NCALD: variants seen among roughly 807,000 people sequenced by gnomAD.
The protein encoded by NCALD is neurocalcin-delta.
In NCALD, 10 loss-of-function variants were observed where a neutral mutation model predicts 18.6. The ratio of observed to expected loss-of-function variants is 0.54; its 90% CI spans 0.33 to 0.91. The LOEUF (loss-of-function observed/expected upper bound fraction) is 0.91, where lower values mean the gene tolerates loss of function less well. NCALD is among the 40% of genes least tolerant of loss of function. The pLI, the probability that NCALD is intolerant of heterozygous loss-of-function variation, is 0.03. For synonymous variants in NCALD, 88 were observed against 87.4 expected, an observed-to-expected ratio of 1.01 and a Z score of -0.04; for missense variants, 184 against 247.6, an observed-to-expected ratio of 0.74 and a Z score of 1.72.
intron 4 of NCALD, among the ~76,000 whole-genome samples, chr8:101,878,020 T>C (rs1282148503): frequency 6.6e-6 from 1 of 152,228 alleles, no homozygotes; most frequent in Non-Finnish European, 1.5e-5. Flanking sequence ...AACATCAAAC[T>C]GTTACTAATT....
chr8:102,034,015 T>TACAC (rs34381236), intron 1 of NCALD, among the ~76,000 whole-genome samples: 11,875 of 147,924 alleles, frequency 0.08, 469 homozygotes, highest in Non-Finnish European at 0.086. Context: ...TCCCTCTAAA[T>TACAC]ACACACACAC....
chr8:102,072,645 A>C (rs1449185548), intron 1 of NCALD, among the ~76,000 whole-genome samples: 1 of 152,168 alleles, frequency 6.6e-6, no homozygotes, highest in Non-Finnish European at 1.5e-5. Flanking sequence ...AATAGGCTTT[A>C]TGCACTTTGG....
chr8:101,729,424 A>G (rs1410158195), intron 1 of NCALD, among the ~76,000 whole-genome samples: 3 of 152,188 alleles, frequency 2.0e-5, no homozygotes, highest in African/African-American at 7.2e-5. Flanking sequence ...CCCTATTTGG[A>G]TCACAAAATG....
At chr8:101,904,149 G>A (rs894524351) in intron 3 of NCALD, among the ~76,000 whole-genome samples, 1 of 152,060 alleles carries the variant, frequency 6.6e-6, no homozygotes, top group Non-Finnish European at 1.5e-5. Context: ...GCTGTGAATC[G>A]ATAGGGATCT....
intron 1 of NCALD, among the ~76,000 whole-genome samples, chr8:102,121,276 G>A (rs780087955): frequency 5.3e-5 from 8 of 152,088 alleles, no homozygotes; most frequent in Admixed American, 3.9e-4. Context: ...CTTTGCTCTC[G>A]GTTGTACAAA....
chr8:101,997,496 A>C (rs2132009742), intron 2 of NCALD, among the ~76,000 whole-genome samples: 1 of 152,322 alleles, frequency 6.6e-6, no homozygotes, highest in East Asian at 1.9e-4. Context: ...GGAGGCTGAG[A>C]AGCTTTCACT....
intron 4 of NCALD, among the ~76,000 whole-genome samples, chr8:101,830,376 C>A (rs1284329506): frequency 6.6e-6 from 1 of 152,088 alleles, no homozygotes; most frequent in African/African-American, 2.4e-5. Context: ...GCCTGGCCAA[C>A]ATAGTGAAAC....
At chr8:101,852,951 G>A (rs1049562255) in intron 4 of NCALD, among the ~76,000 whole-genome samples, 4 of 152,058 alleles carry the variant, frequency 2.6e-5, no homozygotes, top group Non-Finnish European at 1.5e-5. Context: ...CAGGCCAGTC[G>A]ACATCCTCTG....
At chr8:101,723,164 C>G (rs1026395883) in intron 1 of NCALD, among the ~76,000 whole-genome samples, 1 of 152,110 alleles carries the variant, frequency 6.6e-6, no homozygotes, top group African/African-American at 2.4e-5. Context: ...AAAATTGCAC[C>G]TTGGGTCAAA....
chr8:102,021,666 C>G (rs1472002020), intron 1 of NCALD, among the ~76,000 whole-genome samples: 1 of 152,190 alleles, frequency 6.6e-6, no homozygotes, highest in Non-Finnish European at 1.5e-5. Context: ...CACTTTCTGA[C>G]CTTCCACTAG....
At chr8:101,907,590 A>C (rs979088506) in intron 3 of NCALD, among the ~76,000 whole-genome samples, 1 of 151,920 alleles carries the variant, frequency 6.6e-6, no homozygotes, top group East Asian at 1.9e-4. Flanking sequence ...TTAAATTCCT[A>C]CTAAGTGCCT....
At chr8:101,732,885 T>C (rs1444529638) in intron 1 of NCALD, among the ~76,000 whole-genome samples, 1 of 152,212 alleles carries the variant, frequency 6.6e-6, no homozygotes, top group African/African-American at 2.4e-5. Flanking sequence ...ATTACAGCCA[T>C]GAGCCACCAT....
chr8:101,719,893 G>A (rs531360988), intron 1 of NCALD, among the ~76,000 whole-genome samples: 7 of 152,318 alleles, frequency 4.6e-5, no homozygotes, highest in African/African-American at 1.7e-4. Flanking sequence ...TTTATACAGA[G>A]CCATCCTGAA....
At chr8:101,915,943 T>A (rs888022043) in intron 2 of NCALD, 2 of 152,200 alleles carry the variant, frequency 1.3e-5, no homozygotes, top group African/African-American at 4.8e-5. Flanking sequence ...CCACCTATTT[T>A]AACAGCAGAA....
chr8:101,848,272 G>A (rs1428029432), intron 4 of NCALD, among the ~76,000 whole-genome samples: 1 of 152,116 alleles, frequency 6.6e-6, no homozygotes, highest in East Asian at 1.9e-4. Context: ...GCAGCAGGGA[G>A]TTACAGGGAC....
chr8:102,060,270 T>C (rs183380666), intron 1 of NCALD, among the ~76,000 whole-genome samples: 151 of 152,330 alleles, frequency 9.9e-4, no homozygotes, highest in East Asian at 4.8e-3. Flanking sequence ...CATGAGCCAC[T>C]GCGCCCGGCC....
rs146345673 is a variant in NCALD at position 101,755,161 on chromosome 8, T to C, written c.-19-35513A>G. 5.5e-3 allele frequency among the ~76,000 whole-genome samples: 844 copies of C among 152,308 alleles called. 11 individuals are homozygous for C. The highest frequency in any genetic ancestry group is 0.018 in the African/African-American group (737 of 41,568). ...CATCTTATTTTGTTTGTAGCTAACA[T>C]AGCAATCAGAATAATGCACTGTTCA... On this transcript the variant is annotated intron_variant, in intron 1 of 3. Transcript: ENST00000220931.
At chr8:101,968,549 T>G (rs528925857) in intron 2 of NCALD, among the ~76,000 whole-genome samples, 4 of 152,242 alleles carry the variant, frequency 2.6e-5, no homozygotes, top group African/African-American at 9.6e-5. Context: ...ACCTGAGTCT[T>G]TTTATCCCTA....
intron 3 of NCALD, among the ~76,000 whole-genome samples, chr8:101,910,319 G>A (rs1049862546): frequency 4.3e-5 from 6 of 139,372 alleles, no homozygotes; most frequent in Admixed American, 1.4e-4. Flanking sequence ...GTTTTGATCC[G>A]ACATGAGAGG....
Sources: allele counts gnomAD v4.1 joint callset (sites outside exome capture counted in the v4.1 genomes callset), GRCh38; gene constraint gnomAD v4.1.1; transcripts MANE v1.5; gene names NCBI Gene and HGNC (gene_info 2026-07-23, HGNC 2026-07-21).